CHODL: variants seen among roughly 807,000 people sequenced by gnomAD.
CHODL encodes the protein transmembrane protein MT75.
A neutral mutation model predicts 34.5 loss-of-function variants in CHODL; 29 were observed. The ratio of observed to expected loss-of-function variants is 0.84; its 90% confidence interval spans 0.63 to 1.15. The LOEUF (loss-of-function observed/expected upper bound fraction) is 1.15, where lower values mean the gene tolerates loss of function less well. Ranked by LOEUF, CHODL falls within the 50% of genes most tolerant of loss-of-function variation. CHODL has a pLI of 0.00. For synonymous variants in CHODL, 125 were observed against 116.1 expected (o/e 1.08, Z -0.49); for missense variants, 332 against 332.5 (o/e 1.00, Z 0.01).
At chr21:18,085,472 A>T (rs922857740) in intron 2 of CHODL, among the ~76,000 whole-genome samples, 25 of 151,832 alleles carry the variant, frequency 1.6e-4, no homozygotes, top group African/African-American at 5.8e-4. Flanking sequence ...TTATATTTTC[A>T]TGTGTTTTTA....
chr21:18,038,658 C>A (rs1215646434), intron 2 of CHODL, among the ~76,000 whole-genome samples: 1 of 151,644 alleles, frequency 6.6e-6, no homozygotes, highest in Non-Finnish European at 1.5e-5. Flanking sequence ...AAAATACTTG[C>A]CAACAATCAC....
chr21:17,942,768 A>G (rs556735438), intron 1 of CHODL, among the ~76,000 whole-genome samples: 33 of 152,260 alleles, frequency 2.2e-4, no homozygotes, highest in African/African-American at 7.9e-4. Flanking sequence ...TATTTGGAAG[A>G]TGATGTGGTT....
At chr21:18,147,931 C>T (rs2072915976) in intron 2 of CHODL, among the ~76,000 whole-genome samples, 1 of 152,162 alleles carries the variant, frequency 6.6e-6, no homozygotes, top group Non-Finnish European at 1.5e-5. Context: ...CACCAGTTGC[C>T]AGTGATTGGT....
At chr21:17,989,092 A>G (rs2063777512) in intron 1 of CHODL, among the ~76,000 whole-genome samples, 3 of 152,204 alleles carry the variant, frequency 2.0e-5, no homozygotes, top group African/African-American at 4.8e-5. Context: ...AATAATTTGG[A>G]AATAAAATAG....
intron 2 of CHODL, among the ~76,000 whole-genome samples, chr21:18,092,849 A>C (rs1401449372): frequency 6.6e-6 from 1 of 152,224 alleles, no homozygotes; most frequent in African/African-American, 2.4e-5. Flanking sequence ...AGGTCAAACC[A>C]TAGAGTTCTT....
chr21:18,039,483 C>G (rs2146451446), intron 2 of CHODL, among the ~76,000 whole-genome samples: 1 of 151,806 alleles, frequency 6.6e-6, no homozygotes, highest in Middle Eastern at 3.4e-3. Context: ...TTGCCTATTC[C>G]TACCTCTCTT....
intron 2 of CHODL, among the ~76,000 whole-genome samples, chr21:18,229,604 G>A (rs1022121197): frequency 6.6e-6 from 1 of 152,080 alleles, no homozygotes; most frequent in Non-Finnish European, 1.5e-5. Context: ...AGTATCAATG[G>A]GATGGACGCT....
At chr21:18,123,486 TTCC>T (rs1217628033) in intron 2 of CHODL, among the ~76,000 whole-genome samples, 2 of 152,150 alleles carry the variant, frequency 1.3e-5, no homozygotes, top group African/African-American at 2.4e-5. Context: ...AATAAACATA[TTCC>T]TCATTGTTTT....
chr21:18,084,470 A>G (rs924739233), intron 2 of CHODL, among the ~76,000 whole-genome samples: 3 of 152,122 alleles, frequency 2.0e-5, no homozygotes, highest in East Asian at 1.9e-4. Context: ...TGTGTTGTCA[A>G]TTTAACTCAC....
intron 1 of CHODL, among the ~76,000 whole-genome samples, chr21:18,003,164 C>T (rs1019639890): frequency 6.7e-6 from 1 of 150,182 alleles, no homozygotes; most frequent in Non-Finnish European, 1.5e-5. Flanking sequence ...GCCCTGGAGG[C>T]GTTCAACTTC....
chr21:18,089,092 C>T (rs1319321690), intron 2 of CHODL, among the ~76,000 whole-genome samples: 1 of 152,164 alleles, frequency 6.6e-6, no homozygotes, highest in African/African-American at 2.4e-5. Context: ...CTTTTTCAAA[C>T]TTGACAAGCA....
intron 2 of CHODL, among the ~76,000 whole-genome samples, chr21:18,146,193 G>T (rs2072886211): frequency 6.6e-6 from 1 of 150,462 alleles, no homozygotes; most frequent in South Asian, 2.1e-4. Flanking sequence ...TAGCCAGGAT[G>T]GTCTCAATCT....
intron 5 of CHODL, among the ~76,000 whole-genome samples, chr21:18,263,651 T>C (rs2074409168): frequency 6.6e-6 from 1 of 152,208 alleles, no homozygotes; most frequent in Admixed American, 6.5e-5. Flanking sequence ...GAAAAGCTAT[T>C]CTGTTTATAT....
chr21:17,965,474 CTTA>C (rs372217898), intron 1 of CHODL, among the ~76,000 whole-genome samples: 1 of 152,010 alleles, frequency 6.6e-6, no homozygotes, highest in Non-Finnish European at 1.5e-5. Context: ...CTTCCTCCTT[CTTA>C]TTATTATTGT....
intron 1 of CHODL, among the ~76,000 whole-genome samples, chr21:17,982,361 G>A (rs1204578396): frequency 1.1e-4 from 16 of 152,062 alleles, no homozygotes; most frequent in Admixed American, 1.0e-3. Context: ...AATATCTAAA[G>A]GGGTTTTCAT....
chr21:18,063,674 G>A (rs1240173806), intron 2 of CHODL, among the ~76,000 whole-genome samples: 1 of 152,146 alleles, frequency 6.6e-6, no homozygotes, highest in African/African-American at 2.4e-5. Flanking sequence ...AAATATTCAG[G>A]AGATTTACAA....
chr21:18,208,867 C>A (rs79508952), intron 2 of CHODL, among the ~76,000 whole-genome samples: 1 of 137,052 alleles, frequency 7.3e-6, no homozygotes, highest in Non-Finnish European at 1.5e-5. Context: ...CTCTCTCTGT[C>A]CCCCCCACCC....
intron 1 of CHODL, among the ~76,000 whole-genome samples, chr21:17,948,083 A>C (rs1173246305): frequency 6.6e-6 from 1 of 152,200 alleles, no homozygotes; most frequent in Non-Finnish European, 1.5e-5. Context: ...CTCACTTATA[A>C]GTAGTAGCTA....
chr21:18,038,947 C>A (rs536027279), intron 2 of CHODL, among the ~76,000 whole-genome samples: 2 of 151,538 alleles, frequency 1.3e-5, no homozygotes, highest in African/African-American at 4.8e-5. Flanking sequence ...AAAATATGAT[C>A]CCAGATATGT....
Sources: allele counts gnomAD v4.1 joint callset (sites outside exome capture counted in the v4.1 genomes callset), GRCh38; gene constraint gnomAD v4.1.1; transcripts MANE v1.5; gene names NCBI Gene and HGNC (gene_info 2026-07-23, HGNC 2026-07-21).